GRM8: variants seen among roughly 807,000 people sequenced by gnomAD.
GRM8 encodes the protein glutamate metabotropic receptor 8, also known as metabotropic glutamate receptor 8.
Under a neutral mutation model 87.2 loss-of-function variants are expected in GRM8, and 47 were observed. The ratio of observed to expected loss-of-function variants is 0.54; its 90% CI spans 0.43 to 0.69. The LOEUF is 0.69. GRM8 is among the 30% of genes least tolerant of loss of function. GRM8 has a pLI of 0.00. For missense variants in GRM8, 1,019 were observed against 1,139.2 expected (o/e 0.89, Z 1.52); for synonymous variants, 396 against 404.5 (o/e 0.98, Z 0.25).
At chr7:126,658,491 C>A (rs1804785285) in intron 7 of GRM8, among the ~76,000 whole-genome samples, 1 of 151,928 alleles carries the variant, frequency 6.6e-6, no homozygotes, top group African/African-American at 2.4e-5. Context: ...AGCATCGAAT[C>A]CAAGAAGTTT....
chr7:126,491,210 G>C (rs1230065378), intron 9 of GRM8, among the ~76,000 whole-genome samples: 2 of 151,900 alleles, frequency 1.3e-5, no homozygotes, highest in Non-Finnish European at 2.9e-5. Flanking sequence ...GCATCTTATG[G>C]CTTTCATGAA....
intron 9 of GRM8, among the ~76,000 whole-genome samples, chr7:126,471,011 G>A (rs377741710): frequency 6.6e-6 from 1 of 152,154 alleles, no homozygotes; most frequent in African/African-American, 2.4e-5. Context: ...GTCTGCTCAT[G>A]TCCTTCGCCC....
chr7:126,612,193 T>C (rs1798987053), intron 7 of GRM8, among the ~76,000 whole-genome samples: 1 of 152,202 alleles, frequency 6.6e-6, no homozygotes, highest in Non-Finnish European at 1.5e-5. Context: ...CTATAATTTC[T>C]TTTGTTGTTT....
At chr7:126,482,660 T>C (rs1329641714) in intron 9 of GRM8, among the ~76,000 whole-genome samples, 1 of 151,918 alleles carries the variant, frequency 6.6e-6, no homozygotes, top group Non-Finnish European at 1.5e-5. Context: ...TGAGAAGATA[T>C]TGTTTAATGG....
intron 7 of GRM8, among the ~76,000 whole-genome samples, chr7:126,646,230 G>A (rs1348780106): frequency 6.8e-6 from 1 of 147,628 alleles, no homozygotes; most frequent in Admixed American, 6.9e-5. Flanking sequence ...GTGGAAGAGA[G>A]AGAAGAAGAA....
At chr7:126,796,422 T>A (rs965105495) in intron 6 of GRM8, among the ~76,000 whole-genome samples, 1 of 152,126 alleles carries the variant, frequency 6.6e-6, no homozygotes, top group African/African-American at 2.4e-5. Flanking sequence ...CTTTAAAATG[T>A]GGTGTTTACC....
chr7:126,862,208 T>A (rs1798194291), intron 6 of GRM8, among the ~76,000 whole-genome samples: 1 of 152,026 alleles, frequency 6.6e-6, no homozygotes, highest in Non-Finnish European at 1.5e-5. Flanking sequence ...ATGTCAACAA[T>A]AATCTATCCT....
At chr7:126,926,535 GT>G (rs1222683732) in intron 3 of GRM8, among the ~76,000 whole-genome samples, 1 of 152,150 alleles carries the variant, frequency 6.6e-6, no homozygotes, top group Non-Finnish European at 1.5e-5. Context: ...CAGTTCAATA[GT>G]TGACATACTG....
chr7:126,825,339 T>G (rs1794664737), intron 6 of GRM8, among the ~76,000 whole-genome samples: 1 of 152,212 alleles, frequency 6.6e-6, no homozygotes, highest in Admixed American at 6.5e-5. Flanking sequence ...GTGCTGGGAT[T>G]ACAGGCATGA....
intron 7 of GRM8, among the ~76,000 whole-genome samples, chr7:126,654,631 T>C (rs909918857): frequency 3.9e-5 from 6 of 152,226 alleles, no homozygotes; most frequent in African/African-American, 1.4e-4. Flanking sequence ...CTTATCAGCA[T>C]GAAACACAAA....
chr7:126,800,553 G>A (rs373558550), intron 6 of GRM8, among the ~76,000 whole-genome samples: 14 of 152,124 alleles, frequency 9.2e-5, no homozygotes, highest in African/African-American at 1.9e-4. Context: ...TCTTTGACCA[G>A]CCTCTGAGCT....
rs183354160 is a variant in GRM8, at chr7:127,001,863, A to C, written c.728-97180T>G. Among the ~76,000 whole-genome samples, 310 of 151,676 alleles carry C rather than the reference A, an allele frequency of 2.0e-3. 1 individual carries two copies. Among genetic ancestry groups the C allele is most frequent in the African/African-American group, 7.2e-3 (297 of 41,368 alleles). ...GAATACTACTAGGCAATGATAAGAG[A>C]ATAGAGTATTGTTATTATCATTACA... is the stretch of plus-strand genomic sequence containing the variant. On this transcript the variant is annotated intron_variant, in intron 3 of 10. Transcript: ENST00000339582.
intron 8 of GRM8, among the ~76,000 whole-genome samples, chr7:126,549,820 G>A (rs1007283412): frequency 1.3e-5 from 2 of 152,082 alleles, no homozygotes; most frequent in Non-Finnish European, 2.9e-5. Flanking sequence ...CAATAAAGGA[G>A]CCATAATGTA....
chr7:127,236,519 T>A (rs984815104), intron 2 of GRM8, among the ~76,000 whole-genome samples: 13 of 152,120 alleles, frequency 8.5e-5, no homozygotes, highest in African/African-American at 3.1e-4. Context: ...GAAGAGCCCC[T>A]TATAAAACCA....
intron 7 of GRM8, among the ~76,000 whole-genome samples, chr7:126,698,264 T>C (rs531537724): frequency 1.2e-3 from 188 of 152,272 alleles, no homozygotes; most frequent in African/African-American, 3.9e-3. Context: ...AGGGGAATTA[T>C]GTAGTGGCTT....
chr7:126,969,422 T>C (rs1810193377), intron 3 of GRM8, among the ~76,000 whole-genome samples: 1 of 152,220 alleles, frequency 6.6e-6, no homozygotes. Flanking sequence ...TCCTTTGTTA[T>C]TTCAACAATG....
At chr7:126,871,646 G>A (rs1282798067) in intron 6 of GRM8, among the ~76,000 whole-genome samples, 1 of 152,118 alleles carries the variant, frequency 6.6e-6, no homozygotes, top group Admixed American at 6.5e-5. Context: ...TGTTCTCTAT[G>A]TGGTATACAT....
At chr7:126,864,570 T>A (rs1462054560) in intron 6 of GRM8, among the ~76,000 whole-genome samples, 1 of 152,160 alleles carries the variant, frequency 6.6e-6, no homozygotes, top group African/African-American at 2.4e-5. Flanking sequence ...AGTCTATACT[T>A]ATATACATAT....
intron 6 of GRM8, among the ~76,000 whole-genome samples, chr7:126,860,657 A>AAT (rs1233020387): frequency 6.6e-6 from 1 of 152,140 alleles, no homozygotes; most frequent in Non-Finnish European, 1.5e-5. Flanking sequence ...GTAGATATTA[A>AAT]CTCCAATTCT....
Sources: gnomAD v4.1 joint callset for allele counts (sites outside exome capture counted in the v4.1 genomes callset) on GRCh38, gnomAD v4.1.1 for gene constraint, MANE v1.5 for transcripts, NCBI Gene and HGNC (gene_info 2026-07-23, HGNC 2026-07-21) for gene names.